Variants in ZSWIM6 observed in about 807,000 individuals in gnomAD.
ZSWIM6 encodes the protein zinc finger SWIM domain-containing protein 6.
Under a neutral mutation model 113.2 loss-of-function variants are expected in ZSWIM6, and 9 were observed. That is an observed-to-expected ratio of 0.08 (90% CI 0.05 to 0.14). The LOEUF (loss-of-function observed/expected upper bound fraction) is 0.14, where lower values mean the gene tolerates loss of function less well. Among genes scored for constraint, ZSWIM6 ranks in the 10% least tolerant of loss-of-function variants. The pLI is 1.00. For synonymous variants in ZSWIM6, 611 were observed against 606.5 expected (o/e 1.01, Z -0.11); for missense variants, 1,162 against 1,552.2 (o/e 0.75, Z 4.22).
chr5:61,521,434 C>G lies in ZSWIM6; in HGVS notation c.1505C>G (p.Ala502Gly). 6.8e-7 allele frequency: 1 copy of G among 1,464,258 alleles called. No individual in the cohort carries two copies. The highest frequency in any genetic ancestry group is 9.1e-7 in the Non-Finnish European group (1 of 1,101,478). 90.7% of individuals were successfully genotyped at this position (1,464,258 alleles called of 1,614,324 possible). A position where few individuals can be genotyped will look rare whatever the true frequency, so the allele number is the denominator to read the frequency against. ...AATGCTCTGCCTCAGGGTGCAAATG[C>G]CAACCAAGGTGAGTCTACCATAATG... ...LTNALPQGAN[A>G]NQDSSNRPHR... The change falls in exon 5 of 14, where the codon GCC (alanine) becomes GGC (glycine). Residue 502 changes from alanine to glycine, a missense_variant. Ala to Gly is a moderately conservative substitution (Grantham distance 60). This residue lies in a region of ZSWIM6 where 620 missense variants were observed against 804.6 expected (regional missense o/e 0.77). Transcript: ENST00000252744.
chr5:61,408,408 A>T (rs1173580101), intron 1 of ZSWIM6, among the ~76,000 whole-genome samples: 3 of 152,232 alleles, frequency 2.0e-5, no homozygotes, highest in African/African-American at 7.2e-5. Context: ...AGGGGGTCTA[A>T]AAAAGCTTTA....
chr5:61,486,150 C>T (rs1484417673), intron 2 of ZSWIM6, among the ~76,000 whole-genome samples: 1 of 152,110 alleles, frequency 6.6e-6, no homozygotes, highest in African/African-American at 2.4e-5. Flanking sequence ...TCTATCATTC[C>T]ACACACTCCA....
intron 1 of ZSWIM6, among the ~76,000 whole-genome samples, chr5:61,336,072 G>A (rs1744386020): frequency 1.3e-5 from 2 of 152,132 alleles, no homozygotes; most frequent in African/African-American, 4.8e-5. Flanking sequence ...AGACCAGACT[G>A]GGCAACATGG....
At chr5:61,435,516 CAAAT>C (rs1198381364) in intron 1 of ZSWIM6, among the ~76,000 whole-genome samples, 9 of 152,284 alleles carry the variant, frequency 5.9e-5, no homozygotes, top group African/African-American at 2.2e-4. Flanking sequence ...CTAGAAAGAA[CAAAT>C]AGAGTATTAT....
intron 2 of ZSWIM6, 116 bp from the exon 3 acceptor site, chr5:61,490,670 A>T: frequency 9.9e-7 from 1 of 1,010,450 alleles, no homozygotes; most frequent in Non-Finnish European, 1.4e-6. Flanking sequence ...ACAAATTTGT[A>T]TGTATAATTG....
At chr5:61,340,436 CAT>C (rs1242322580) in intron 1 of ZSWIM6, among the ~76,000 whole-genome samples, 1 of 152,158 alleles carries the variant, frequency 6.6e-6, no homozygotes, top group African/African-American at 2.4e-5. Flanking sequence ...TAACCACATG[CAT>C]ATTTCAGTGA....
intron 2 of ZSWIM6, among the ~76,000 whole-genome samples, chr5:61,484,439 C>T (rs543846598): frequency 6.6e-6 from 1 of 152,184 alleles, no homozygotes; most frequent in South Asian, 2.1e-4. Context: ...TAGAGTTTTC[C>T]CTGTGAAGAG....
At chr5:61,519,454 C>T (rs1749053876) in intron 4 of ZSWIM6, among the ~76,000 whole-genome samples, 1 of 152,124 alleles carries the variant, frequency 6.6e-6, no homozygotes, top group Admixed American at 6.6e-5. Flanking sequence ...AACATAATGG[C>T]AAGTCACCCC....
At chr5:61,480,227 T>G (rs1747818500) in intron 2 of ZSWIM6, among the ~76,000 whole-genome samples, 1 of 152,230 alleles carries the variant, frequency 6.6e-6, no homozygotes, top group Non-Finnish European at 1.5e-5. Flanking sequence ...TGTACATGAA[T>G]ACGTATACTA....
At chr5:61,512,951 G>T (rs969620091) in intron 4 of ZSWIM6, among the ~76,000 whole-genome samples, 24 of 151,176 alleles carry the variant, frequency 1.6e-4, no homozygotes, top group South Asian at 2.1e-4. Flanking sequence ...TACAACTGAT[G>T]AACCTACACT....
chr5:61,459,841 C>G (rs994139956), intron 1 of ZSWIM6, among the ~76,000 whole-genome samples: 1 of 152,164 alleles, frequency 6.6e-6, no homozygotes, highest in African/African-American at 2.4e-5. Context: ...TAGACTCTTT[C>G]AGGTCCTCCC....
intron 2 of ZSWIM6, among the ~76,000 whole-genome samples, chr5:61,482,878 C>T (rs949167575): frequency 1.3e-5 from 2 of 150,940 alleles, no homozygotes; most frequent in African/African-American, 4.9e-5. Context: ...CTAATCCATC[C>T]TCTCAACTGG....
intron 4 of ZSWIM6, among the ~76,000 whole-genome samples, chr5:61,497,466 A>G (rs916016756): frequency 6.6e-6 from 1 of 152,130 alleles, no homozygotes; most frequent in Non-Finnish European, 1.5e-5. Flanking sequence ...GGGACTGATT[A>G]TTCTGTTTTT....
At chr5:61,436,901 G>A (rs563160788) in intron 1 of ZSWIM6, among the ~76,000 whole-genome samples, 239 of 152,108 alleles carry the variant, frequency 1.6e-3, no homozygotes, top group Middle Eastern at 3.4e-3. Context: ...TAATTATGTC[G>A]GCCTGCAGTC....
rs1013231675 is a variant in ZSWIM6 at position 61,385,011 on chromosome 5, G to C, written c.676+52063G>C. Among the ~76,000 whole-genome samples the C allele has an allele frequency of 5.9e-5, 9 of 152,126 alleles. No individual in the cohort carries two copies. In the South Asian group the frequency reaches 1.9e-3, roughly 32 times the overall value. On this transcript the variant is annotated intron_variant, in intron 1 of 13. Transcript: ENST00000252744. ...GGAGGCGGAGGTTGCAGTGAGCTGA[G>C]ATCGTGCCACTGCACTCCAACCTGG...
chr5:61,406,991 G>A (rs2112109081), intron 1 of ZSWIM6, among the ~76,000 whole-genome samples: 1 of 152,322 alleles, frequency 6.6e-6, no homozygotes, highest in Admixed American at 6.5e-5. Context: ...GGGATTACAG[G>A]CGTGAGCCAT....
At chr5:61,516,512 A>C (rs1748944914) in intron 4 of ZSWIM6, among the ~76,000 whole-genome samples, 1 of 145,608 alleles carries the variant, frequency 6.9e-6, no homozygotes, top group Non-Finnish European at 1.5e-5. Context: ...CATGCCATTT[A>C]ACATGGCAAA....
intron 1 of ZSWIM6, among the ~76,000 whole-genome samples, chr5:61,344,040 C>T (rs1003012401): frequency 3.9e-5 from 6 of 151,958 alleles, no homozygotes; most frequent in African/African-American, 1.2e-4. Context: ...ATTACAGGCA[C>T]GTGCCACCAC....
At chr5:61,334,172 TGA>T (rs1305788135) in intron 1 of ZSWIM6, among the ~76,000 whole-genome samples, 5 of 152,240 alleles carry the variant, frequency 3.3e-5, no homozygotes, top group East Asian at 3.8e-4. Context: ...TGACAGATCC[TGA>T]GAGTTTTCTC....
Sources: allele counts gnomAD v4.1 joint callset (sites outside exome capture counted in the v4.1 genomes callset), GRCh38; gene constraint gnomAD v4.1.1; regional missense constraint gnomAD v4.1.1; transcripts MANE v1.5; gene names NCBI Gene and HGNC (gene_info 2026-07-23, HGNC 2026-07-21).